The following ASTN2 variants were observed in gnomAD, a reference collection of about 807,000 sequenced individuals.
The protein encoded by ASTN2 is astrotactin 2.
Under a neutral mutation model 139.8 loss-of-function variants are expected in ASTN2, and 54 were observed. The ratio of observed to expected loss-of-function variants is 0.39; its 90% CI spans 0.31 to 0.48. The LOEUF (loss-of-function observed/expected upper bound fraction) is 0.48, where lower values mean the gene tolerates loss of function less well. ASTN2 is among the 20% of genes least tolerant of loss of function. The pLI, the probability that ASTN2 is intolerant of heterozygous loss-of-function variation, is 0.95. For synonymous variants in ASTN2, 756 were observed against 719.5 expected, an observed-to-expected ratio of 1.05 and a Z score of -0.81; for missense variants, 1,565 against 1,725.1, an observed-to-expected ratio of 0.91 and a Z score of 1.64.
At chr9:116,740,756 T>G (rs1057275397) in intron 13 of ASTN2, among the ~76,000 whole-genome samples, 1 of 151,830 alleles carries the variant, frequency 6.6e-6, no homozygotes, top group Non-Finnish European at 1.5e-5. Context: ...CCTCGGGATC[T>G]GCCCGTGTCA....
chr9:116,661,988 T>A (rs1315051029), intron 16 of ASTN2, among the ~76,000 whole-genome samples: 6 of 151,282 alleles, frequency 4.0e-5, no homozygotes, highest in African/African-American at 1.5e-4. Flanking sequence ...ATTGTGTACA[T>A]GTACCCTAGA....
At chr9:116,471,140 C>G (rs1235864692) in intron 20 of ASTN2, among the ~76,000 whole-genome samples, 1 of 152,176 alleles carries the variant, frequency 6.6e-6, no homozygotes, top group Non-Finnish European at 1.5e-5. Flanking sequence ...TTTGCTCTCT[C>G]TCTTCCCCCT....
intron 1 of ASTN2, among the ~76,000 whole-genome samples, chr9:117,384,018 G>A (rs1404999952): frequency 2.0e-5 from 3 of 152,148 alleles, no homozygotes; most frequent in Non-Finnish European, 4.4e-5. Flanking sequence ...TCTTGTGTCA[G>A]CAGCCAAGAT....
intron 6 of ASTN2, among the ~76,000 whole-genome samples, chr9:117,018,810 G>A (rs1411387603): frequency 6.6e-6 from 1 of 152,090 alleles, no homozygotes. Context: ...TGGAAAATGG[G>A]ATTTTTTTTT....
intron 10 of ASTN2, among the ~76,000 whole-genome samples, chr9:116,954,244 A>G (rs1483284228): frequency 6.6e-6 from 1 of 152,198 alleles, no homozygotes; most frequent in Non-Finnish European, 1.5e-5. Context: ...AATGTTAGTG[A>G]ATGGCAGAGC....
chr9:117,279,980 A>G (rs539464552), intron 2 of ASTN2, among the ~76,000 whole-genome samples: 3 of 152,002 alleles, frequency 2.0e-5, no homozygotes, highest in Non-Finnish European at 2.9e-5. Context: ...TTTTTCCACT[A>G]ATGTTTTTAT....
At chr9:116,514,142 T>C (rs1474427312) in intron 19 of ASTN2, among the ~76,000 whole-genome samples, 1 of 151,838 alleles carries the variant, frequency 6.6e-6, no homozygotes, top group African/African-American at 2.4e-5. Context: ...TTATCTACCT[T>C]TGGTCTTTGA....
intron 17 of ASTN2, among the ~76,000 whole-genome samples, chr9:116,648,203 T>A (rs2416566): frequency 0.28 from 42,912 of 151,894 alleles, 6,910 homozygotes; most frequent in Admixed American, 0.42. Context: ...GGTTTCACCA[T>A]GTTGTACAAG....
intron 15 of ASTN2, among the ~76,000 whole-genome samples, 157 bp from the exon 16 acceptor site, chr9:116,726,107 T>C (rs1828616257): frequency 6.6e-6 from 1 of 152,006 alleles, no homozygotes; most frequent in Admixed American, 6.5e-5. Flanking sequence ...ATATACATAA[T>C]TCCCTCACTT....
intron 19 of ASTN2, among the ~76,000 whole-genome samples, chr9:116,505,699 C>G (rs73522448): frequency 0.013 from 1,987 of 152,244 alleles, 38 homozygotes; most frequent in African/African-American, 0.045. Flanking sequence ...TTACAGTGTA[C>G]CTGGTATTTT....
chr9:117,047,177 G>A (rs1838772289), intron 5 of ASTN2, among the ~76,000 whole-genome samples: 1 of 152,182 alleles, frequency 6.6e-6, no homozygotes, highest in African/African-American at 2.4e-5. Context: ...GTGTCATACT[G>A]GAGGCAGAAA....
At chr9:116,980,579 T>C (rs1016686672) in intron 7 of ASTN2, among the ~76,000 whole-genome samples, 4 of 152,130 alleles carry the variant, frequency 2.6e-5, no homozygotes, top group African/African-American at 9.7e-5. Context: ...AGTAGATCAC[T>C]CATCACTTCT....
intron 3 of ASTN2, among the ~76,000 whole-genome samples, chr9:117,205,314 C>G (rs1205356211): frequency 6.6e-6 from 1 of 152,046 alleles, no homozygotes; most frequent in Non-Finnish European, 1.5e-5. Flanking sequence ...GAGGTCTACA[C>G]ATACACATCT....
intron 2 of ASTN2, among the ~76,000 whole-genome samples, chr9:117,254,957 A>C (rs1833644369): frequency 6.6e-6 from 1 of 152,196 alleles, no homozygotes. Flanking sequence ...CCATCTTTCA[A>C]AAAGTACTGA....
At chr9:116,870,617 A>G (rs1290384361) in intron 10 of ASTN2, among the ~76,000 whole-genome samples, 1 of 152,174 alleles carries the variant, frequency 6.6e-6, no homozygotes, top group Non-Finnish European at 1.5e-5. Context: ...TACTGGCTCC[A>G]AAACAGAGAT....
chr9:116,609,379 GTA>G (rs56938236), intron 19 of ASTN2, among the ~76,000 whole-genome samples: 3,161 of 116,654 alleles, frequency 0.027, 123 homozygotes, highest in African/African-American at 0.093. Context: ...ATATATGGGT[GTA>G]TATATATATA....
chr9:116,547,263 G>A (rs1852138199), intron 19 of ASTN2: 1 of 152,152 alleles, frequency 6.6e-6, no homozygotes, highest in Non-Finnish European at 1.5e-5. Context: ...ATATCCCTCT[G>A]TTGTTTACTA....
intron 3 of ASTN2, among the ~76,000 whole-genome samples, chr9:117,152,400 C>T (rs1250287296): frequency 2.0e-5 from 3 of 152,112 alleles, no homozygotes; most frequent in Admixed American, 1.3e-4. Flanking sequence ...GGGTTTTCAT[C>T]TCCATTCTAC....
intron 1 of ASTN2, among the ~76,000 whole-genome samples, chr9:117,343,753 T>C (rs1829129320): frequency 6.6e-6 from 1 of 152,216 alleles, no homozygotes; most frequent in Non-Finnish European, 1.5e-5. Flanking sequence ...TAATTAGTTC[T>C]ATACCAGCTT....
Sources: allele counts gnomAD v4.1 joint callset (sites outside exome capture counted in the v4.1 genomes callset), GRCh38; gene constraint gnomAD v4.1.1; transcripts MANE v1.5; gene names NCBI Gene and HGNC (gene_info 2026-07-23, HGNC 2026-07-21).